Variants in GLUD1 observed in about 807,000 individuals in gnomAD.
GLUD1 encodes the protein glutamate dehydrogenase 1, mitochondrial.
In GLUD1, 22 loss-of-function variants were observed where a neutral mutation model predicts 56.0. The observed-to-expected ratio is 0.39, with a 90% CI of 0.28 to 0.56. The LOEUF is 0.56. Among genes scored for constraint, GLUD1 ranks in the 20% least tolerant of loss-of-function variants. GLUD1 has a pLI of 0.58. For synonymous variants in GLUD1, 223 were observed against 269.9 expected (o/e 0.83, Z 1.70); for missense variants, 451 against 732.0 (o/e 0.62, Z 4.43).
At chr10:87,090,636 A>C (rs999130399) in intron 1 of GLUD1, among the ~76,000 whole-genome samples, 5 of 152,204 alleles carry the variant, frequency 3.3e-5, no homozygotes, top group South Asian at 2.1e-4. Context: ...TAAAAACAAC[A>C]ACCTCGGGGC....
chr10:87,053,050 T>C (rs1845680187), intron 12 of GLUD1, among the ~76,000 whole-genome samples: 1 of 152,184 alleles, frequency 6.6e-6, no homozygotes, highest in Admixed American at 6.5e-5. Context: ...TAGTGGCACA[T>C]GGAGCTACAA....
At chr10:87,075,924 A>C in intron 3 of GLUD1, 44 bp downstream of exon 3, 1 of 1,337,138 alleles carries the variant, frequency 7.5e-7, no homozygotes, top group Non-Finnish European at 1.1e-6. Context: ...AGAAAAACAA[A>C]AACAACAACA....
chr10:87,054,390 G>A (rs903120471), intron 11 of GLUD1, among the ~76,000 whole-genome samples: 1 of 152,210 alleles, frequency 6.6e-6, no homozygotes, highest in African/African-American at 2.4e-5. Flanking sequence ...GAGTTGAAGA[G>A]ATACCAGCAA....
At position 87,071,046 on chromosome 10, in the gene GLUD1, G is replaced by A. The variant is rs184535389; in HGVS notation, c.647-2889C>T. Among the ~76,000 whole-genome samples, 1,349 of 151,668 alleles carry A rather than the reference G, an allele frequency of 8.9e-3. 27 individuals are homozygous for A. The highest frequency in any genetic ancestry group is 0.031 in the African/African-American group (1,281 of 41,392). The stretch of plus-strand genomic sequence containing the variant: ...TGGGAGGCTGAGGCAGGAGAATGGC[G>A]TGAACCCGGGAGGCGGAGCTTGCAG... On this transcript the variant is annotated intron_variant, in intron 4 of 12. Transcript: ENST00000277865.
intron 12 of GLUD1, among the ~76,000 whole-genome samples, chr10:87,052,710 T>C (rs1205208484): frequency 8.2e-6 from 1 of 122,232 alleles, no homozygotes; most frequent in African/African-American, 3.1e-5. Context: ...GTGATGAAAA[T>C]GTTCTAGAAT....
chr10:87,065,545 C>T (rs952923002), intron 5 of GLUD1, among the ~76,000 whole-genome samples: 1 of 152,120 alleles, frequency 6.6e-6, no homozygotes, highest in South Asian at 2.1e-4. Flanking sequence ...TACTGGTGAA[C>T]AGTTTTCCTT....
intron 1 of GLUD1, among the ~76,000 whole-genome samples, chr10:87,081,965 A>G (rs886280712): frequency 1.4e-5 from 2 of 146,554 alleles, no homozygotes; most frequent in African/African-American, 2.5e-5. Context: ...AAAAAAAAAG[A>G]AAAAAAAAAG....
rs142544510 is a variant in GLUD1, at chr10:87,094,428, A to C, written c.342T>G (p.His114Gln). Residue 114 changes from histidine (H) to glutamine (Q), a missense_variant, in exon 1 of 13, where the codon CAT (histidine) becomes CAG (glutamine). Physicochemically the swap from His to Gln is conservative, Grantham distance 24 (BLOSUM62 0). This residue lies in a region of GLUD1 where 158 missense variants were observed against 189.7 expected (regional missense o/e 0.83). Transcript: ENST00000277865. This position sits in a 1 kb window ranked among gnomAD's most constrained non-coding sequence, Gnocchi z 6.6. ...GGATGGGGAAGGAGAGACTCAGCAC[A>C]TGGTTGCAGGGCTTGATGATCCGCA... is the stretch of plus-strand genomic sequence containing the variant. ...GILRIIKPCN[H>Q]VLSLSFPIRR... The C allele has an allele frequency of 1.2e-6, 2 of 1,613,654 alleles. No homozygotes were observed. The highest frequency in any genetic ancestry group is 1.7e-6 in the Non-Finnish European group (2 of 1,179,924).
intron 11 of GLUD1, 124 bp from the exon 12 acceptor site, chr10:87,053,528 G>A (rs1393572286): frequency 5.5e-6 from 4 of 721,366 alleles, no homozygotes; most frequent in Non-Finnish European, 1.0e-5. Context: ...TTTTAGCTAA[G>A]ATATGTCATT....
At chr10:87,076,708 A>G (rs750937328) in intron 1 of GLUD1, 52 bp from the exon 2 acceptor site, 2 of 1,009,266 alleles carry the variant, frequency 2.0e-6, no homozygotes, top group Admixed American at 1.7e-5. Flanking sequence ...AGAAGGGGTT[A>G]TATTTAGAAC....
At position 87,094,234 on chromosome 10, in the gene GLUD1, G is replaced by GGCTGA. The variant is rs1165970266; in HGVS notation, c.445+86_445+90dup. 6.7e-6 allele frequency: 10 copies of GGCTGA among 1,489,650 alleles called. No homozygotes were observed. Among genetic ancestry groups the GGCTGA allele is most frequent in the Non-Finnish European group, 8.2e-6 (9 of 1,104,010 alleles). The allele number at this position is 1,489,650 out of a possible 1,614,324, so 92.3% of individuals were successfully genotyped here. A position where few individuals can be genotyped will look rare whatever the true frequency, so the allele number is the denominator to read the frequency against. On this transcript the variant is annotated intron_variant, in intron 1 of 12. Transcript: ENST00000277865. This position sits in a 1 kb window ranked among gnomAD's most constrained non-coding sequence, Gnocchi z 6.6. ...GGCCCGCTCCAGCTGGGCTGGGCTG[G>GGCTGA]GCTGAGCAGCGGCCCCGCACCGGCA...
chr10:87,069,558 T>TC (rs1846172620), intron 4 of GLUD1, among the ~76,000 whole-genome samples: 1 of 104,798 alleles, frequency 9.5e-6, no homozygotes, highest in Non-Finnish European at 1.9e-5. Flanking sequence ...CTATTATGTC[T>TC]CCCCATAAAA....
rs2133771493 is a variant in GLUD1 at position 87,050,816 on chromosome 10, G to A, written c.*935C>T. ...TCAGAGCCAGCCAGACTCCAAACAG[G>A]GAGCCCAAGTGGTTTTTTTCTGGGA... is the stretch of plus-strand genomic sequence containing the variant. On this transcript the variant is annotated 3_prime_UTR_variant, in exon 13 of 13. Coordinates refer to ENST00000277865, the MANE Select transcript of GLUD1 (RefSeq NM_005271.5). 1 of 152,246 alleles carries A rather than the reference G, an allele frequency of 6.6e-6. No homozygotes were observed. The highest frequency in any genetic ancestry group is 1.5e-5 in the Non-Finnish European group (1 of 68,020). The allele number at this position is 152,246 out of a possible 1,614,324, so 9.4% of individuals were successfully genotyped here.
chr10:87,069,491 G>C (rs950996770), intron 4 of GLUD1, among the ~76,000 whole-genome samples: 2 of 150,018 alleles, frequency 1.3e-5, no homozygotes, highest in African/African-American at 4.9e-5. Flanking sequence ...CTCTAGCCTG[G>C]GCGACAGAGT....
At chr10:87,052,119 G>A (rs1007210005) in intron 12 of GLUD1, among the ~76,000 whole-genome samples, 7 of 152,202 alleles carry the variant, frequency 4.6e-5, no homozygotes, top group African/African-American at 1.4e-4. Flanking sequence ...GGAGGCCGAC[G>A]TAGGCAGATC....
chr10:87,093,975 T>A lies in GLUD1; in HGVS notation c.445+350A>T, dbSNP rs141821296. The A allele has an allele frequency of 3.6e-4, 511 of 1,413,662 alleles. No homozygotes were observed. The African/African-American group carries it at 6.8e-3, about 19-fold the overall frequency. 87.6% of individuals were successfully genotyped at this position (1,413,662 alleles called of 1,614,324 possible). ...GACGAGGCATTATCACACGGGCAGG[T>A]CATTCCCTTTCCTAGAAGTGCATTT... On this transcript the variant is annotated intron_variant, in intron 1 of 12. Coordinates refer to ENST00000277865, the MANE Select transcript of GLUD1 (RefSeq NM_005271.5).
chr10:87,093,204 CTGAAAGA>C (rs1478232930), intron 1 of GLUD1, among the ~76,000 whole-genome samples: 2 of 152,236 alleles, frequency 1.3e-5, no homozygotes, highest in Admixed American at 1.3e-4. Context: ...GCGGGCATAA[CTGAAAGA>C]CCACAGAACC....
intron 1 of GLUD1, among the ~76,000 whole-genome samples, chr10:87,088,081 C>CA (rs1256305938): frequency 7.0e-4 from 98 of 140,888 alleles, no homozygotes; most frequent in East Asian, 2.9e-3. Flanking sequence ...AACTCTGTTT[C>CA]AAAAAAAAAA....
intron 1 of GLUD1, chr10:87,089,504 A>T: frequency 2.0e-6 from 1 of 509,242 alleles, no homozygotes; most frequent in Non-Finnish European, 2.5e-6. Context: ...AAAAGTTCTT[A>T]ATAAAATGCC....
Sources: gnomAD v4.1 joint callset for allele counts (sites outside exome capture counted in the v4.1 genomes callset) on GRCh38, gnomAD v4.1.1 for gene constraint, gnomAD v4.1.1 regional missense constraint, Gnocchi (gnomAD v3.1) non-coding constraint, MANE v1.5 for transcripts, NCBI Gene and HGNC (gene_info 2026-07-23, HGNC 2026-07-21) for gene names.